Variants in EXT1 observed in about 807,000 individuals in gnomAD.
The protein encoded by EXT1 is exostosin-1.
Under a neutral mutation model 82.5 loss-of-function variants are expected in EXT1, and 20 were observed. The ratio of observed to expected loss-of-function variants is 0.24; its 90% CI spans 0.17 to 0.35. The LOEUF (loss-of-function observed/expected upper bound fraction) is 0.35, where lower values mean the gene tolerates loss of function less well. Among genes scored for constraint, EXT1 ranks in the 10% least tolerant of loss-of-function variants. The probability of loss-of-function intolerance (pLI) is 1.00; values close to 1 mark genes in which losing one functional copy is unlikely to be tolerated. For synonymous variants in EXT1, 348 were observed against 350.8 expected (o/e 0.99, Z 0.09); for missense variants, 757 against 936.5 (o/e 0.81, Z 2.50).
At chr8:117,997,790 C>T (rs555516704) in intron 1 of EXT1, among the ~76,000 whole-genome samples, 170 of 152,140 alleles carry the variant, frequency 1.1e-3, no homozygotes, top group African/African-American at 3.8e-3. Context: ...TACTCTGAAC[C>T]CCCATGGTTT....
chr8:117,858,750 AAGGAAGGAAGGAAGGAAGGC>A (rs1174879063), intron 1 of EXT1, among the ~76,000 whole-genome samples: 5 of 57,060 alleles, frequency 8.8e-5, no homozygotes, highest in East Asian at 2.8e-4. Flanking sequence ...GGAAGGAAGG[AAGGAAGGAAGGAAGGAAGGC>A]AGGCAGGCAG....
chr8:117,922,564 TC>T (rs536507600), intron 1 of EXT1, among the ~76,000 whole-genome samples: 8 of 152,278 alleles, frequency 5.3e-5, no homozygotes, highest in African/African-American at 1.9e-4. Context: ...TGAGGAATTC[TC>T]CATTGTGAGT....
Position 118,073,639 on chromosome 8 carries a change from G to GAA in EXT1, c.962+36444_962+36445dup, listed in dbSNP as rs1173050441. Among the ~76,000 whole-genome samples the GAA allele has an allele frequency of 5.1e-4, 29 of 56,480 alleles. No individual in the cohort carries two copies. The Admixed American group carries it at 5.8e-3, about 11-fold the overall frequency. The allele number at this position is 56,480 out of a possible 152,430, so 37.1% of individuals were successfully genotyped here. On this transcript the variant is annotated intron_variant, in intron 1 of 10. Transcript: ENST00000378204. ...GGAAGAGAAGAGAAGAGAAAGAAGA[G>GAA]AAGAGAAGAGAAGAGAAGAGAAGAG... is the stretch of plus-strand genomic sequence containing the variant.
chr8:117,899,232 C>A (rs1164302635), intron 1 of EXT1, among the ~76,000 whole-genome samples: 2 of 152,206 alleles, frequency 1.3e-5, no homozygotes, highest in Non-Finnish European at 2.9e-5. Flanking sequence ...ATGTTGTGCT[C>A]ACATTTTGCA....
chr8:118,034,911 A>G (rs1393503128), intron 1 of EXT1, among the ~76,000 whole-genome samples: 1 of 152,242 alleles, frequency 6.6e-6, no homozygotes, highest in Non-Finnish European at 1.5e-5. Context: ...CCACCAGAAA[A>G]GCAGAATTGG....
intron 10 of EXT1, 146 bp from the exon 11 acceptor site, chr8:117,800,043 C>T: frequency 3.9e-6 from 3 of 770,206 alleles, no homozygotes; most frequent in East Asian, 2.7e-5. Flanking sequence ...TATGCACCTG[C>T]TGAAAATGCA....
chr8:117,997,245 C>CTATATATATATATATATATATATA (rs67974546), intron 1 of EXT1, among the ~76,000 whole-genome samples: 1 of 136,256 alleles, frequency 7.3e-6, no homozygotes, highest in African/African-American at 2.7e-5. Flanking sequence ...AGTTGTCATA[C>CTATATATATATATATATATATATA]TATATATATA....
In EXT1 at chr8:117,937,833, T is replaced by C. The variant is rs143174421; in HGVS notation, c.963-100632A>G. Among the ~76,000 whole-genome samples the C allele has an allele frequency of 1.8e-4, 27 of 152,172 alleles. No individual in the cohort carries two copies. In the East Asian group the frequency reaches 3.1e-3, roughly 17 times the overall value. On this transcript the variant is annotated intron_variant, in intron 1 of 10. Coordinates refer to ENST00000378204, the MANE Select transcript of EXT1 (RefSeq NM_000127.3). ...ACACACATTGCAGCCCATGGTTTATTAACAGGGCCTAATTATGACAATTGC... is the reference window on the plus strand; with the variant it reads ...ACACACATTGCAGCCCATGGTTTATCAACAGGGCCTAATTATGACAATTGC...
intron 1 of EXT1, among the ~76,000 whole-genome samples, chr8:117,867,238 G>A (rs970144010): frequency 3.1e-5 from 4 of 127,954 alleles, no homozygotes; most frequent in African/African-American, 1.2e-4. Context: ...CAGCCTGGGC[G>A]ACAGAGTGAG....
intron 1 of EXT1, among the ~76,000 whole-genome samples, chr8:117,960,884 T>C (rs1461034217): frequency 6.6e-6 from 1 of 152,076 alleles, no homozygotes; most frequent in East Asian, 1.9e-4. Flanking sequence ...TTTCAAATAA[T>C]AGCGGGGAAA....
At chr8:117,837,485 C>T (rs1377296857) in intron 1 of EXT1, among the ~76,000 whole-genome samples, 1 of 152,144 alleles carries the variant, frequency 6.6e-6, no homozygotes, top group Non-Finnish European at 1.5e-5. Context: ...CCAGTCTTTG[C>T]TTCCAAAATC....
chr8:118,068,398 G>T (rs1355700951), intron 1 of EXT1, among the ~76,000 whole-genome samples: 1 of 152,164 alleles, frequency 6.6e-6, no homozygotes, highest in Non-Finnish European at 1.5e-5. Context: ...ATGTGCCATG[G>T]TGGTTTGCTG....
intron 1 of EXT1, among the ~76,000 whole-genome samples, chr8:117,877,006 A>C (rs562300900): frequency 1.3e-5 from 2 of 152,334 alleles, no homozygotes; most frequent in East Asian, 3.9e-4. Context: ...TTTTTCTAAC[A>C]GAGAACCCCT....
intron 1 of EXT1, among the ~76,000 whole-genome samples, chr8:118,091,557 T>C (rs989264895): frequency 6.6e-6 from 1 of 151,806 alleles, no homozygotes; most frequent in African/African-American, 2.4e-5. Flanking sequence ...GCTAACACAG[T>C]GAAACTCCGT....
intron 1 of EXT1, among the ~76,000 whole-genome samples, chr8:118,073,802 A>G (rs1817152546): frequency 6.6e-6 from 1 of 152,242 alleles, no homozygotes; most frequent in South Asian, 2.1e-4. Flanking sequence ...TATCATATTA[A>G]TAACATATAG....
intron 1 of EXT1, among the ~76,000 whole-genome samples, chr8:118,105,873 A>G (rs1817796053): frequency 6.6e-6 from 1 of 152,206 alleles, no homozygotes; most frequent in Admixed American, 6.5e-5. Context: ...AAAAAAGAAA[A>G]AAGTATTTAG....
chr8:117,835,627 A>G, intron 2 of EXT1, 76 bp from the exon 3 acceptor site: 1 of 1,106,206 alleles, frequency 9.0e-7, no homozygotes, highest in Non-Finnish European at 1.4e-6. Flanking sequence ...TGAAATCAGT[A>G]CAAACTCAAT....
At chr8:117,977,370 G>A (rs1374896476) in intron 1 of EXT1, among the ~76,000 whole-genome samples, 7 of 139,794 alleles carry the variant, frequency 5.0e-5, no homozygotes, top group Non-Finnish European at 9.0e-5. Flanking sequence ...CTGGGCAATA[G>A]AGCAAGACTC....
At position 117,820,518 on chromosome 8, in the gene EXT1, G is replaced by A. The variant is rs551184205; in HGVS notation, c.1418-724C>T. 1.4e-4 allele frequency among the ~76,000 whole-genome samples: 22 copies of A among 152,088 alleles called. No homozygotes were observed. In the South Asian group the frequency reaches 1.9e-3, roughly 13 times the overall value. ...GGCCTGGCCAACATGGTGAAATTCC[G>A]TCACTACTAAAAATACAAAAATTAG... is the stretch of plus-strand genomic sequence containing the variant. On this transcript the variant is annotated intron_variant, in intron 5 of 10. Coordinates refer to ENST00000378204, the MANE Select transcript of EXT1 (RefSeq NM_000127.3).
Sources: allele counts gnomAD v4.1 joint callset (sites outside exome capture counted in the v4.1 genomes callset), GRCh38; gene constraint gnomAD v4.1.1; transcripts MANE v1.5; gene names NCBI Gene and HGNC (gene_info 2026-07-23, HGNC 2026-07-21).